The following RHBDD1 variants were observed in gnomAD, a reference collection of about 807,000 sequenced individuals.
RHBDD1 encodes rhomboid domain containing 1, also known as rhomboid-related protein 4.
RHBDD1 carries 38 observed loss-of-function variants against 36.3 expected under a neutral mutation model. The ratio of observed to expected loss-of-function variants is 1.05; its 90% confidence interval spans 0.81 to 1.37. The LOEUF (loss-of-function observed/expected upper bound fraction) is 1.37, where lower values mean the gene tolerates loss of function less well. Ranked by LOEUF, RHBDD1 falls within the 40% of genes most tolerant of loss-of-function variation. The probability of loss-of-function intolerance (pLI) is 0.00; values close to 1 mark genes in which losing one functional copy is unlikely to be tolerated. For synonymous variants in RHBDD1, 151 were observed against 136.5 expected, an observed-to-expected ratio of 1.11 and a Z score of -0.74; for missense variants, 393 against 377.6, an observed-to-expected ratio of 1.04 and a Z score of -0.34.
At chr2:226,859,651 C>T (rs539152434) in intron 3 of RHBDD1, among the ~76,000 whole-genome samples, 1 of 152,274 alleles carries the variant, frequency 6.6e-6, no homozygotes, top group East Asian at 1.9e-4. Flanking sequence ...GCCATTTATA[C>T]TATAATCCTG....
At chr2:226,841,947 C>A (rs898533532) in intron 3 of RHBDD1, among the ~76,000 whole-genome samples, 1 of 152,128 alleles carries the variant, frequency 6.6e-6, no homozygotes, top group African/African-American at 2.4e-5. Flanking sequence ...CCTGCAACCT[C>A]GCCAGCATGT....
At chr2:226,841,032 A>G (rs1451703465) in intron 3 of RHBDD1, among the ~76,000 whole-genome samples, 1 of 152,228 alleles carries the variant, frequency 6.6e-6, no homozygotes, top group Non-Finnish European at 1.5e-5. Context: ...GAACAAACCT[A>G]GGAATGAATT....
chr2:226,880,570 T>G (rs1945640312), intron 5 of RHBDD1, among the ~76,000 whole-genome samples: 1 of 152,172 alleles, frequency 6.6e-6, no homozygotes, highest in African/African-American at 2.4e-5. Context: ...GGAGGTGTAT[T>G]AATCAACTCT....
chr2:226,811,679 T>G, the RHBDD1 span, among the ~76,000 whole-genome samples: 2 of 152,238 alleles, frequency 1.3e-5, no homozygotes, highest in African/African-American at 4.8e-5. Context: ...TCTGGCTCCT[T>G]GAAATTTGAG....
chr2:226,904,418 G>GC lies in RHBDD1; in HGVS notation c.567-2375_567-2374insC, dbSNP rs201168633. The stretch of plus-strand genomic sequence containing the variant: ...CACTGTGGCACATCCTGCAAGCGGG[G>GC]GGGGAGGGGGGTCAGGGAACTCCTG... On this transcript the variant is annotated intron_variant, in intron 5 of 8. Transcript: ENST00000392062. 9.1e-4 allele frequency among the ~76,000 whole-genome samples: 136 copies of GC among 148,834 alleles called. 17 individuals carry two copies. The East Asian group carries it at 0.019, about 21-fold the overall frequency.
At chr2:226,970,775 G>C (rs1953315267) in intron 8 of RHBDD1, among the ~76,000 whole-genome samples, 1 of 152,206 alleles carries the variant, frequency 6.6e-6, no homozygotes, top group Non-Finnish European at 1.5e-5. Flanking sequence ...TAAAGAAATT[G>C]AGGCTCAGGG....
rs924614863 is a variant in RHBDD1, at chr2:226,996,149, C to T, written c.*627C>T. The T allele has an allele frequency of 3.9e-5, 6 of 152,700 alleles. No homozygotes were observed. The highest frequency in any genetic ancestry group is 1.4e-4 in the African/African-American group (6 of 41,452). 9.5% of individuals were successfully genotyped at this position (152,700 alleles called of 1,614,324 possible). On this transcript the variant is annotated 3_prime_UTR_variant, in exon 9 of 9. Coordinates refer to ENST00000392062, the MANE Select transcript of RHBDD1 (RefSeq NM_001167608.3). ...TCTTATTGAAGAAGTGTAAGAAAGA[C>T]CTAAGGTGGGGAAGACTCCTACACA...
At chr2:226,962,899 A>T (rs1437900312) in intron 8 of RHBDD1, among the ~76,000 whole-genome samples, 1 of 152,148 alleles carries the variant, frequency 6.6e-6, no homozygotes, top group African/African-American at 2.4e-5. Flanking sequence ...TCTTGGATGT[A>T]AATAGCCTAC....
chr2:226,932,136 A>G (rs781221981), intron 8 of RHBDD1, among the ~76,000 whole-genome samples: 7 of 152,084 alleles, frequency 4.6e-5, no homozygotes, highest in Non-Finnish European at 5.9e-5. Flanking sequence ...TGAGACGATT[A>G]TATAGTTTTT....
chr2:226,912,777 A>T (rs11686072), intron 7 of RHBDD1, among the ~76,000 whole-genome samples: 66,393 of 151,862 alleles, frequency 0.44, 14,683 homozygotes, highest in South Asian at 0.5. Context: ...TCCAAAATTG[A>T]TTGTGGTAAT....
chr2:226,910,632 C>A (rs905498768), intron 7 of RHBDD1, among the ~76,000 whole-genome samples: 2 of 151,030 alleles, frequency 1.3e-5, no homozygotes, highest in Non-Finnish European at 3.0e-5. Context: ...TAATGACAAC[C>A]AGATTTTCTT....
In RHBDD1 at chr2:226,915,950, C is replaced by T. The variant is rs375846332; in HGVS notation, c.856+1599C>T. On this transcript the variant is annotated intron_variant, in intron 8 of 8. Coordinates refer to ENST00000392062, the MANE Select transcript of RHBDD1 (RefSeq NM_001167608.3). ...TTTGGCTAGCGAGCTAAGGTGTCTG[C>T]GCTGGTCTGCTGGGGTCTGGCTGCT... Among the ~76,000 whole-genome samples, 146 of 152,288 alleles carry T rather than the reference C, an allele frequency of 9.6e-4. No homozygotes were observed. The South Asian group carries it at 0.018, about 18-fold the overall frequency.
At chr2:226,909,614 G>A (rs1948370192) in intron 7 of RHBDD1, among the ~76,000 whole-genome samples, 2 of 151,974 alleles carry the variant, frequency 1.3e-5, no homozygotes, top group Admixed American at 1.3e-4. Flanking sequence ...AGGTCATGAG[G>A]GTAGGGCCCT....
chr2:226,978,237 T>A (rs1204809440), intron 8 of RHBDD1, among the ~76,000 whole-genome samples: 5 of 152,246 alleles, frequency 3.3e-5, no homozygotes, highest in African/African-American at 7.2e-5. Flanking sequence ...ATCTTTTTTT[T>A]AAAATTCAAA....
At chr2:226,833,130 T>C (rs1940782877), upstream of RHBDD1, among the ~76,000 whole-genome samples, 1 of 152,242 alleles carries the variant, frequency 6.6e-6, no homozygotes, top group African/African-American at 2.4e-5. Context: ...CATGAACCAA[T>C]TTCTCATTTT....
chr2:226,883,179 A>G (rs1055436114), intron 5 of RHBDD1, among the ~76,000 whole-genome samples: 2 of 152,236 alleles, frequency 1.3e-5, no homozygotes, highest in African/African-American at 4.8e-5. Flanking sequence ...ATCTGCGTGT[A>G]TTAACATTAA....
intron 5 of RHBDD1, chr2:226,867,633 A>G (rs1348587973): frequency 1.0e-6 from 1 of 985,358 alleles, no homozygotes; most frequent in African/African-American, 1.7e-5. Context: ...TCTGAAAGCA[A>G]GATTCCAAAG....
At chr2:226,834,888 G>C (rs1013967541), upstream of RHBDD1, among the ~76,000 whole-genome samples, 8 of 152,122 alleles carry the variant, frequency 5.3e-5, no homozygotes, top group African/African-American at 1.9e-4. Flanking sequence ...GGATTCCCCT[G>C]CCTCAGCCTC....
chr2:226,917,437 C>T (rs1041533850), intron 8 of RHBDD1, among the ~76,000 whole-genome samples: 3 of 152,066 alleles, frequency 2.0e-5, no homozygotes, highest in African/African-American at 7.2e-5. Context: ...GATTTTTACA[C>T]ATCAGATGCT....
Sources: gnomAD v4.1 joint callset for allele counts (sites outside exome capture counted in the v4.1 genomes callset) on GRCh38, gnomAD v4.1.1 for gene constraint, MANE v1.5 for transcripts, NCBI Gene and HGNC (gene_info 2026-07-23, HGNC 2026-07-21) for gene names.